BAZ1A: variants seen among roughly 807,000 people sequenced by gnomAD.
The protein encoded by BAZ1A is bromodomain adjacent to zinc finger domain 1A.
In BAZ1A, 50 loss-of-function variants were observed where a neutral mutation model predicts 185.2. The observed-to-expected ratio is 0.27, with a 90% CI of 0.22 to 0.34. BAZ1A has a LOEUF of 0.34. BAZ1A is among the 10% of genes least tolerant of loss of function. The pLI is 1.00. For missense variants in BAZ1A, 1,356 were observed against 1,839.9 expected (o/e 0.74, Z 4.81); for synonymous variants, 571 against 615.6 (o/e 0.93, Z 1.07).
chr14:34,787,075 C>A (rs1322363830), intron 12 of BAZ1A, among the ~76,000 whole-genome samples: 1 of 152,050 alleles, frequency 6.6e-6, no homozygotes, highest in Non-Finnish European at 1.5e-5. Context: ...ATTTTCCAGG[C>A]CAAGTGCGGT....
intron 3 of BAZ1A, among the ~76,000 whole-genome samples, chr14:34,860,741 T>C (rs2042756329): frequency 6.6e-6 from 1 of 151,434 alleles, no homozygotes; most frequent in Non-Finnish European, 1.5e-5. Context: ...CTACTAAAAA[T>C]ACAAAAATTA....
At position 34,839,839 on chromosome 14, in the gene BAZ1A, C is replaced by CAA. The variant is rs60954768; in HGVS notation, c.393-13685_393-13684dup. Among the ~76,000 whole-genome samples, 13 of 106,674 alleles carry CAA rather than the reference C, an allele frequency of 1.2e-4. 1 individual carries two copies. The highest frequency in any genetic ancestry group is 3.7e-4 in the African/African-American group (10 of 26,874). 70.0% of individuals were successfully genotyped at this position (106,674 alleles called of 152,430 possible). ...TGGGCGACAAAGCGAGCCTCTGTTT[C>CAA]AAAAAAAAAAAAAAAAAAGGAAAAA... On this transcript the variant is annotated intron_variant, in intron 3 of 26. Transcript: ENST00000360310.
At position 34,872,941 on chromosome 14, in the gene BAZ1A, A is replaced by AAACAAAAAAAAAAACAAC. The variant is rs1555346584; in HGVS notation, c.113+1550_113+1551insGTTGTTTTTTTTTTTGTT. On this transcript the variant is annotated intron_variant, in intron 2 of 26. Coordinates refer to ENST00000360310, the MANE Select transcript of BAZ1A (RefSeq NM_013448.3). Reference sequence around the variant, plus strand: ...AAAAAAAAAAAAAAAAAAAAAAAAAACTTGTCCAATTACCTAATCCAAGTT... The same window carrying AAACAAAAAAAAAAACAAC: ...AAAAAAAAAAAAAAAAAAAAAAAAAAAACAAAAAAAAAAACAACCTTGTCCAATTACCTAATCCAAGTT... Among the ~76,000 whole-genome samples the AAACAAAAAAAAAAACAAC allele has an allele frequency of 4.1e-3, 500 of 122,636 alleles. 17 individuals are homozygous for AAACAAAAAAAAAAACAAC. Among genetic ancestry groups the AAACAAAAAAAAAAACAAC allele is most frequent in the Non-Finnish European group, 6.3e-3 (380 of 59,872 alleles). The allele number at this position is 122,636 out of a possible 152,430, so 80.5% of individuals were successfully genotyped here.
chr14:34,792,229 T>C (rs538420602), intron 12 of BAZ1A, among the ~76,000 whole-genome samples: 1 of 152,032 alleles, frequency 6.6e-6, no homozygotes, highest in African/African-American at 2.4e-5. Flanking sequence ...ATTTTAAAAA[T>C]ACAAAAATTA....
chr14:34,817,236 C>T (rs2042019852), intron 4 of BAZ1A, among the ~76,000 whole-genome samples: 1 of 151,856 alleles, frequency 6.6e-6, no homozygotes, highest in Non-Finnish European at 1.5e-5. Context: ...ATACACCCCC[C>T]CCCAAATATA....
rs1007132754 is a variant in BAZ1A at position 34,813,723 on chromosome 14, G to A, written c.537-2687C>T. Among the ~76,000 whole-genome samples, 8 of 151,530 alleles carry A rather than the reference G, an allele frequency of 5.3e-5. No individual in the cohort carries two copies. The East Asian group carries it at 9.7e-4, about 18-fold the overall frequency. On this transcript the variant is annotated intron_variant, in intron 4 of 26. Coordinates refer to ENST00000360310, the MANE Select transcript of BAZ1A (RefSeq NM_013448.3). Reference sequence around the variant, plus strand: ...CAATATGATCAAATAAAAAACAAACGAAGCAACGACAAGAGTTCTCAGTAA... The same window carrying A: ...CAATATGATCAAATAAAAAACAAACAAAGCAACGACAAGAGTTCTCAGTAA...
intron 9 of BAZ1A, 110 bp downstream of exon 9, chr14:34,800,114 A>C (rs1881426331): frequency 9.1e-7 from 1 of 1,101,912 alleles, no homozygotes; most frequent in Non-Finnish European, 1.2e-6. Context: ...ATGCACATTC[A>C]TAAATGTGAA....
At chr14:34,815,375 T>C (rs775382693) in intron 4 of BAZ1A, among the ~76,000 whole-genome samples, 6 of 152,222 alleles carry the variant, frequency 3.9e-5, no homozygotes, top group Non-Finnish European at 8.8e-5. Context: ...AGGATAATAT[T>C]TTTAAAAAAC....
intron 3 of BAZ1A, among the ~76,000 whole-genome samples, chr14:34,827,747 A>G (rs2042184753): frequency 6.6e-6 from 1 of 151,900 alleles, no homozygotes; most frequent in Admixed American, 6.6e-5. Flanking sequence ...AAAAAAAAAA[A>G]AAAGAAAGTC....
chr14:34,861,415 A>G (rs2042767392), intron 3 of BAZ1A, among the ~76,000 whole-genome samples: 1 of 152,220 alleles, frequency 6.6e-6, no homozygotes, highest in African/African-American at 2.4e-5. Context: ...CTGCATTTGT[A>G]TACTACAGAA....
intron 11 of BAZ1A, 119 bp downstream of exon 11, chr14:34,794,630 C>A: frequency 1.0e-6 from 1 of 1,003,362 alleles, no homozygotes; most frequent in Non-Finnish European, 1.4e-6. Context: ...AACATCTAGC[C>A]AGACCAGAGA....
Position 34,846,793 on chromosome 14 carries a change from A to G in BAZ1A, c.392+15251T>C, listed in dbSNP as rs988658648. On this transcript the variant is annotated intron_variant, in intron 3 of 26. Transcript: ENST00000360310. ...AGCAAACCTAACGATATGTACCTAA[A>G]AAAGATAGTTCTACTCTAACTTAGA... Among the ~76,000 whole-genome samples, 7 of 152,228 alleles carry G rather than the reference A, an allele frequency of 4.6e-5. No homozygotes were observed. The East Asian group carries it at 1.3e-3, about 29-fold the overall frequency.
intron 3 of BAZ1A, among the ~76,000 whole-genome samples, chr14:34,836,378 C>CAAAAAAAAAAAA (rs773500177): frequency 7.6e-5 from 1 of 13,130 alleles, no homozygotes; most frequent in Non-Finnish European, 1.2e-4. Flanking sequence ...GACTCCGTCT[C>CAAAAAAAAAAAA]AAAAAAAAAA....
intron 4 of BAZ1A, among the ~76,000 whole-genome samples, chr14:34,812,049 C>T (rs2138679647): frequency 6.6e-6 from 1 of 152,082 alleles, no homozygotes; most frequent in Non-Finnish European, 1.5e-5. Flanking sequence ...CAGCAGTCAA[C>T]AAAATAGAAA....
chr14:34,776,497 C>A lies in BAZ1A; in HGVS notation c.2255G>T (p.Gly752Val), dbSNP rs762437600. The change falls in exon 18 of 27, where the codon GGA becomes GTA. Residue 752 changes from glycine (G) to valine (V), a missense_variant. Physicochemically the swap from Gly to Val is moderately radical, Grantham distance 109 (BLOSUM62 -3). Coordinates refer to ENST00000360310, the MANE Select transcript of BAZ1A (RefSeq NM_013448.3). Reference sequence around the variant, plus strand: ...TTCTTGCCTTGTAAATTCTTTAAATCCATTTTGTCCTCTTTTCCCTGTAAT... The same window carrying A: ...TTCTTGCCTTGTAAATTCTTTAAATACATTTTGTCCTCTTTTCCCTGTAAT... ...RGRRGKRGQN[G>V]FKEFTRQEQI... The A allele has an allele frequency of 1.3e-6, 2 of 1,583,212 alleles. No individual in the cohort carries two copies. Among genetic ancestry groups the A allele is most frequent in the Non-Finnish European group, 1.7e-6 (2 of 1,168,756 alleles).
At chr14:34,765,418 A>C in intron 21 of BAZ1A, 150 bp from the exon 22 acceptor site, 4 of 947,626 alleles carry the variant, frequency 4.2e-6, no homozygotes, top group Non-Finnish European at 6.1e-6. Flanking sequence ...ATTAAAAACA[A>C]AAATCTCATG....
chr14:34,767,828 A>T (rs1410234382), intron 21 of BAZ1A, among the ~76,000 whole-genome samples: 1 of 152,194 alleles, frequency 6.6e-6, no homozygotes, highest in African/African-American at 2.4e-5. Flanking sequence ...AAGACAAATT[A>T]TGAAGAACTT....
At chr14:34,804,978 C>G (rs1296156086) in intron 6 of BAZ1A, among the ~76,000 whole-genome samples, 1 of 152,046 alleles carries the variant, frequency 6.6e-6, no homozygotes, top group East Asian at 1.9e-4. Flanking sequence ...AATTGTACTC[C>G]CCAGTGTTAA....
At chr14:34,788,148 G>GC (rs1326014172) in intron 12 of BAZ1A, among the ~76,000 whole-genome samples, 2 of 151,856 alleles carry the variant, frequency 1.3e-5, no homozygotes, top group Admixed American at 6.6e-5. Flanking sequence ...CTCCCAGGTA[G>GC]CTGGGATTAC....
Sources: allele counts gnomAD v4.1 joint callset (sites outside exome capture counted in the v4.1 genomes callset), GRCh38; gene constraint gnomAD v4.1.1; transcripts MANE v1.5; gene names NCBI Gene and HGNC (gene_info 2026-07-23, HGNC 2026-07-21).